Variants in COLGALT2 observed in about 807,000 individuals in gnomAD.
The protein encoded by COLGALT2 is procollagen galactosyltransferase 2.
Under a neutral mutation model 73.4 loss-of-function variants are expected in COLGALT2, and 49 were observed. The ratio of observed to expected loss-of-function variants is 0.67; its 90% CI spans 0.53 to 0.85. The LOEUF is 0.85. Ranked by LOEUF, COLGALT2 falls within the 40% of genes least tolerant of loss-of-function variation. The pLI, the probability that COLGALT2 is intolerant of heterozygous loss-of-function variation, is 0.00. For synonymous variants in COLGALT2, 295 were observed against 307.6 expected (o/e 0.96, Z 0.43); for missense variants, 722 against 790.2 (o/e 0.91, Z 1.03).
intron 1 of COLGALT2, among the ~76,000 whole-genome samples, chr1:184,010,794 C>A (rs1464237507): frequency 2.6e-5 from 4 of 152,218 alleles, no homozygotes; most frequent in African/African-American, 9.6e-5. Flanking sequence ...TGAACTCAGT[C>A]AGCCTTTGCT....
chr1:183,958,074 C>A (rs1670600701), intron 6 of COLGALT2, among the ~76,000 whole-genome samples: 2 of 152,156 alleles, frequency 1.3e-5, no homozygotes, highest in Admixed American at 6.5e-5. Context: ...TCCTGTCATT[C>A]ATCTCCCGAA....
chr1:184,024,176 A>G (rs1649259197), intron 1 of COLGALT2, among the ~76,000 whole-genome samples: 1 of 152,140 alleles, frequency 6.6e-6, no homozygotes, highest in African/African-American at 2.4e-5. Context: ...AGATTAGCCT[A>G]TGCAACCCTC....
At chr1:183,998,732 T>G (rs1318867679) in intron 1 of COLGALT2, among the ~76,000 whole-genome samples, 1 of 152,146 alleles carries the variant, frequency 6.6e-6, no homozygotes. Context: ...TTGGCCTTCC[T>G]TAATGTTTTT....
intron 1 of COLGALT2, among the ~76,000 whole-genome samples, chr1:183,989,175 G>C (rs1484994708): frequency 1.3e-5 from 2 of 152,142 alleles, no homozygotes; most frequent in East Asian, 3.8e-4. Flanking sequence ...TGAGTATCTT[G>C]GTTGTACATG....
At position 183,969,493 on chromosome 1, in the gene COLGALT2, T is replaced by A; in HGVS notation, c.628-20A>T. The A allele has an allele frequency of 1.9e-6, 3 of 1,582,772 alleles. No homozygotes were observed. The highest frequency in any genetic ancestry group is 2.6e-6 in the Non-Finnish European group (3 of 1,163,386). The stretch of plus-strand genomic sequence containing the variant: ...GAAGCCCTGTAAAAGAGCAAATAGG[T>A]GGGTTGTGTTTTCTGATTTGAAGTC... On this transcript the variant is annotated intron_variant, in intron 4 of 11. Transcript: ENST00000361927.
At chr1:183,931,809 AAAG>A (rs1209506165), downstream of COLGALT2, among the ~76,000 whole-genome samples, 134 of 150,022 alleles carry the variant, frequency 8.9e-4, no homozygotes, top group African/African-American at 2.5e-3. Flanking sequence ...AAAAAAAAAA[AAAG>A]AAGAAGAAGA....
At chr1:183,956,187 A>C (rs924656318) in intron 6 of COLGALT2, among the ~76,000 whole-genome samples, 15 of 152,228 alleles carry the variant, frequency 9.9e-5, no homozygotes, top group African/African-American at 3.6e-4. Flanking sequence ...GATACTGTCC[A>C]AAGGGTATGA....
intron 1 of COLGALT2, among the ~76,000 whole-genome samples, chr1:183,986,082 G>A (rs1213848007): frequency 6.6e-6 from 1 of 152,194 alleles, no homozygotes; most frequent in East Asian, 1.9e-4. Context: ...AGCAGCAGAC[G>A]TGCCAAAGGC....
At chr1:183,980,747 A>G (rs1671327452) in intron 1 of COLGALT2, among the ~76,000 whole-genome samples, 1 of 151,854 alleles carries the variant, frequency 6.6e-6, no homozygotes, top group Admixed American at 6.6e-5. Flanking sequence ...AAAGATTTAC[A>G]CACACACACA....
chr1:183,989,289 T>C (rs1354467846), intron 1 of COLGALT2, among the ~76,000 whole-genome samples: 8 of 152,066 alleles, frequency 5.3e-5, no homozygotes, highest in Non-Finnish European at 1.2e-4. Context: ...AAACAGGACA[T>C]GGATGATTAA....
chr1:183,982,326 A>C, intron 1 of COLGALT2, among the ~76,000 whole-genome samples: 1 of 152,296 alleles, frequency 6.6e-6, no homozygotes, highest in Admixed American at 6.5e-5. Context: ...GGCTCCACTG[A>C]GTTTGTGATT....
chr1:183,964,150 G>A, intron 5 of COLGALT2, 130 bp from the exon 6 acceptor site: 1 of 1,028,198 alleles, frequency 9.7e-7, no homozygotes, highest in Non-Finnish European at 1.4e-6. Context: ...GTTGTTTCAG[G>A]TATGTCTATA....
chr1:183,948,941 T>C (rs1366637945), intron 8 of COLGALT2, among the ~76,000 whole-genome samples: 1 of 152,122 alleles, frequency 6.6e-6, no homozygotes, highest in East Asian at 1.9e-4. Context: ...CATTTAGCAA[T>C]GAACAATCTG....
At chr1:183,943,355 A>G (rs1057513685) in intron 10 of COLGALT2, among the ~76,000 whole-genome samples, 3 of 152,228 alleles carry the variant, frequency 2.0e-5, no homozygotes, top group Non-Finnish European at 2.9e-5. Context: ...TTTGACACAC[A>G]GCTGGGAGCA....
intron 1 of COLGALT2, among the ~76,000 whole-genome samples, chr1:183,997,686 G>A (rs1671807126): frequency 6.6e-6 from 1 of 152,216 alleles, no homozygotes; most frequent in Non-Finnish European, 1.5e-5. Context: ...GGTTGGACAA[G>A]CTTGCTTTAT....
Position 183,973,751 on chromosome 1 carries a change from C to G in COLGALT2, c.493-1G>C. On this transcript the variant is annotated splice_acceptor_variant, in intron 3 of 11. Transcript: ENST00000361927. LOFTEE classifies it high-confidence loss of function. The stretch of plus-strand genomic sequence containing the variant: ...TCAGGAAATTGTCAACATCTATGAA[C>G]TAGGAAAAGAAAAGGATAATGTTAG... 6.2e-7 allele frequency: 1 copy of G among 1,612,888 alleles called. No individual in the cohort carries two copies. The highest frequency in any genetic ancestry group is 8.5e-7 in the Non-Finnish European group (1 of 1,179,370).
chr1:184,028,272 A>C (rs1461928580), intron 1 of COLGALT2, among the ~76,000 whole-genome samples: 14 of 152,186 alleles, frequency 9.2e-5, no homozygotes, highest in Non-Finnish European at 2.1e-4. Context: ...AGAAAATTCT[A>C]CCTTTCCCAA....
chr1:184,011,282 G>A (rs1243062768), intron 1 of COLGALT2, among the ~76,000 whole-genome samples: 1 of 152,148 alleles, frequency 6.6e-6, no homozygotes, highest in Non-Finnish European at 1.5e-5. Context: ...TTTGGGAGCC[G>A]ATTTAATGAA....
chr1:183,996,431 T>C (rs1671772482), intron 1 of COLGALT2, among the ~76,000 whole-genome samples: 1 of 152,208 alleles, frequency 6.6e-6, no homozygotes, highest in African/African-American at 2.4e-5. Context: ...AACTCAGGAC[T>C]GATAAGACAA....
Sources: allele counts gnomAD v4.1 joint callset (sites outside exome capture counted in the v4.1 genomes callset), GRCh38; gene constraint gnomAD v4.1.1; transcripts MANE v1.5; gene names NCBI Gene and HGNC (gene_info 2026-07-23, HGNC 2026-07-21).